Variants in SATB2 observed in about 807,000 individuals in gnomAD.
The protein encoded by SATB2 is DNA-binding protein SATB2.
In SATB2, 1 loss-of-function variant was observed where a neutral mutation model predicts 73.4. The observed-to-expected ratio is 0.01, with a 90% confidence interval of 0.00 to 0.06. The LOEUF (loss-of-function observed/expected upper bound fraction) is 0.06, where lower values mean the gene tolerates loss of function less well. Ranked by LOEUF, SATB2 falls within the 10% of genes least tolerant of loss-of-function variation. The pLI is 1.00. For missense variants in SATB2, 459 were observed against 945.8 expected (o/e 0.49, Z 6.75); for synonymous variants, 397 against 367.0 (o/e 1.08, Z -0.93).
chr2:199,386,748 ACACACACACACACACAC>A (rs1689972347), intron 3 of SATB2, among the ~76,000 whole-genome samples: 1 of 147,478 alleles, frequency 6.8e-6, no homozygotes, highest in African/African-American at 2.6e-5. Context: ...ACACACACAC[ACACACACACACACACAC>A]ACCTTTGAGT....
intron 10 of SATB2, among the ~76,000 whole-genome samples, chr2:199,297,701 G>T (rs1182429500): frequency 2.0e-5 from 3 of 151,996 alleles, no homozygotes; most frequent in Admixed American, 1.3e-4. Context: ...TCACTACATG[G>T]TTCTTTCACA....
intron 7 of SATB2, among the ~76,000 whole-genome samples, chr2:199,341,633 A>G (rs1193119909): frequency 6.6e-6 from 1 of 152,204 alleles, no homozygotes; most frequent in Non-Finnish European, 1.5e-5. Flanking sequence ...TTAAACAATA[A>G]TACTGATAAT....
intron 5 of SATB2, among the ~76,000 whole-genome samples, chr2:199,377,255 T>G (rs1378727366): frequency 1.3e-5 from 2 of 151,716 alleles, no homozygotes; most frequent in African/African-American, 4.8e-5. Flanking sequence ...GGCACATGCC[T>G]GTGGTCCCAG....
At chr2:199,469,387 C>T (rs1026675676), upstream of SATB2, among the ~76,000 whole-genome samples, 1 of 152,138 alleles carries the variant, frequency 6.6e-6, no homozygotes, top group Non-Finnish European at 1.5e-5. Context: ...GAAGTGGATG[C>T]CCCTTCGACT....
chr2:199,285,384 AT>A (rs997978395), intron 10 of SATB2, among the ~76,000 whole-genome samples: 1 of 152,068 alleles, frequency 6.6e-6, no homozygotes, highest in Non-Finnish European at 1.5e-5. Flanking sequence ...ACACAAAGAC[AT>A]TTTCACAGGC....
At position 199,308,567 on chromosome 2, in the gene SATB2, C is replaced by G. The variant is rs931276333; in HGVS notation, c.1740+193G>C. Among the ~76,000 whole-genome samples the G allele has an allele frequency of 6.6e-6, 1 of 151,322 alleles. No homozygotes were observed. Among genetic ancestry groups the G allele is most frequent in the East Asian group, 1.9e-4 (1 of 5,150 alleles). The stretch of plus-strand genomic sequence containing the variant: ...GTGTGCATACACACACACACACGCA[C>G]GCACATGCACACACACACACATACA... On this transcript the variant is annotated intron_variant, in intron 10 of 10. Coordinates refer to ENST00000417098, the MANE Select transcript of SATB2 (RefSeq NM_001172509.2). The surrounding 1 kb of genome is among the most constrained non-coding windows in gnomAD (Gnocchi z 4.6).
At chr2:199,289,126 A>G (rs1316771339) in intron 10 of SATB2, among the ~76,000 whole-genome samples, 1 of 152,192 alleles carries the variant, frequency 6.6e-6, no homozygotes, top group Admixed American at 6.5e-5. Flanking sequence ...AGGCTTTTCC[A>G]TTCTAAACCA....
chr2:199,281,720 A>T (rs1692503518), intron 10 of SATB2, among the ~76,000 whole-genome samples: 1 of 152,146 alleles, frequency 6.6e-6, no homozygotes, highest in South Asian at 2.1e-4. Context: ...AACATTCAGT[A>T]AGGAGAACTT....
chr2:199,372,366 G>A (rs1170942853), intron 5 of SATB2, among the ~76,000 whole-genome samples: 1 of 152,108 alleles, frequency 6.6e-6, no homozygotes, highest in Non-Finnish European at 1.5e-5. Flanking sequence ...AACTGCAAGA[G>A]AATAAATTTT....
At chr2:199,462,156 G>T (rs1196174387), upstream of SATB2, among the ~76,000 whole-genome samples, 2 of 152,186 alleles carry the variant, frequency 1.3e-5, no homozygotes, top group African/African-American at 2.4e-5. The surrounding 1 kb of genome is among the most constrained non-coding windows in gnomAD (Gnocchi z 5.9). Context: ...CTCAACCCTG[G>T]AACACGCAGG....
chr2:199,279,893 C>T (rs531846512), intron 10 of SATB2, among the ~76,000 whole-genome samples: 42 of 152,308 alleles, frequency 2.8e-4, no homozygotes, highest in African/African-American at 9.6e-4. Context: ...ATAATCCCAA[C>T]ACTTTGGGAG....
At chr2:199,400,437 G>A (rs1690437234) in intron 3 of SATB2, among the ~76,000 whole-genome samples, 1 of 152,172 alleles carries the variant, frequency 6.6e-6, no homozygotes, top group African/African-American at 2.4e-5. Context: ...CTATGAGCCA[G>A]GTGGAGTTGC....
chr2:199,465,393 G>A (rs915387665), upstream of SATB2, among the ~76,000 whole-genome samples: 15 of 152,228 alleles, frequency 9.9e-5, no homozygotes, highest in African/African-American at 3.6e-4. Flanking sequence ...GACATCTGCA[G>A]TGTTTCCCTA....
chr2:199,317,100 C>T (rs941005890), intron 9 of SATB2, among the ~76,000 whole-genome samples: 1 of 151,924 alleles, frequency 6.6e-6, no homozygotes, highest in African/African-American at 2.4e-5. Flanking sequence ...CCAGACAGGG[C>T]AGACAACCAG....
At chr2:199,350,171 A>G (rs1469759958) in intron 6 of SATB2, among the ~76,000 whole-genome samples, 2 of 152,218 alleles carry the variant, frequency 1.3e-5, no homozygotes, top group Non-Finnish European at 2.9e-5. Flanking sequence ...ATTATTTCTT[A>G]TAATTGCAAA....
At chr2:199,424,264 T>G (rs748999526) in intron 3 of SATB2, among the ~76,000 whole-genome samples, 1 of 152,164 alleles carries the variant, frequency 6.6e-6, no homozygotes, top group Non-Finnish European at 1.5e-5. Context: ...TGCTGGGTTT[T>G]AAATGCTCAT....
chr2:199,428,783 C>A (rs1449065), intron 3 of SATB2, among the ~76,000 whole-genome samples: 121,886 of 152,088 alleles, frequency 0.8, 49,513 homozygotes, highest in Non-Finnish European at 0.86. Context: ...TTTAATCCCA[C>A]CACTTTGGGA....
At chr2:199,460,325 T>C (rs923355463), upstream of SATB2, 2 of 152,338 alleles carry the variant, frequency 1.3e-5, no homozygotes, top group African/African-American at 2.4e-5. This position sits in a 1 kb window ranked among gnomAD's most constrained non-coding sequence, Gnocchi z 4.0. Context: ...CTGTAATATG[T>C]CGAAATGGGA....
At chr2:199,344,900 T>C (rs1688606425) in intron 7 of SATB2, among the ~76,000 whole-genome samples, 1 of 152,164 alleles carries the variant, frequency 6.6e-6, no homozygotes, top group African/African-American at 2.4e-5. Flanking sequence ...ACTACTTTAA[T>C]GAAATTATAC....
Sources: gnomAD v4.1 joint callset for allele counts (sites outside exome capture counted in the v4.1 genomes callset) on GRCh38, gnomAD v4.1.1 for gene constraint, Gnocchi (gnomAD v3.1) non-coding constraint, MANE v1.5 for transcripts, NCBI Gene and HGNC (gene_info 2026-07-23, HGNC 2026-07-21) for gene names.